Variants in SLC24A2 observed in about 807,000 individuals in gnomAD.
The protein encoded by SLC24A2 is solute carrier family 24 member 2.
In SLC24A2, 36 loss-of-function variants were observed where a neutral mutation model predicts 62.0. The observed-to-expected ratio is 0.58, with a 90% CI of 0.44 to 0.77. The LOEUF (loss-of-function observed/expected upper bound fraction) is 0.77. SLC24A2 is among the 30% of genes least tolerant of loss of function. The pLI, the probability that SLC24A2 is intolerant of heterozygous loss-of-function variation, is 0.00. For missense variants in SLC24A2, 846 were observed against 817.9 expected (o/e 1.03, Z -0.42); for synonymous variants, 358 against 294.0 (o/e 1.22, Z -2.23).
intron 2 of SLC24A2, among the ~76,000 whole-genome samples, chr9:19,643,613 C>A (rs962032082): frequency 1.3e-5 from 2 of 152,216 alleles, no homozygotes; most frequent in Non-Finnish European, 2.9e-5. Flanking sequence ...GCCCCGAACT[C>A]TCTTCCATCC....
intron 2 of SLC24A2, among the ~76,000 whole-genome samples, chr9:19,654,859 T>TTGTC (rs1818900974): frequency 6.6e-6 from 1 of 152,164 alleles, no homozygotes; most frequent in African/African-American, 2.4e-5. Flanking sequence ...AATGCAAGCA[T>TTGTC]CAGTGTTCAC....
the SLC24A2 span, among the ~76,000 whole-genome samples, chr9:19,990,480 G>A: frequency 2.0e-5 from 3 of 151,650 alleles, no homozygotes; most frequent in African/African-American, 7.3e-5. Flanking sequence ...GCATGGTGGC[G>A]GGCACCTGTA....
chr9:20,052,103 T>C, the SLC24A2 span, among the ~76,000 whole-genome samples: 6 of 152,312 alleles, frequency 3.9e-5, no homozygotes, highest in Admixed American at 3.9e-4. Flanking sequence ...GTTTCAATAT[T>C]GCTGATTAGA....
chr9:20,028,288 C>T, the SLC24A2 span, among the ~76,000 whole-genome samples: 1 of 152,158 alleles, frequency 6.6e-6, no homozygotes, highest in Non-Finnish European at 1.5e-5. Context: ...CTAAGCTTTG[C>T]TTGTCTCCTC....
chr9:20,272,318 C>T, the SLC24A2 span, among the ~76,000 whole-genome samples: 1 of 152,186 alleles, frequency 6.6e-6, no homozygotes, highest in Admixed American at 6.5e-5. Context: ...GTGATCATTC[C>T]TACCATCATC....
chr9:19,682,480 A>G (rs1819751037), intron 2 of SLC24A2, among the ~76,000 whole-genome samples: 1 of 152,178 alleles, frequency 6.6e-6, no homozygotes, highest in Non-Finnish European at 1.5e-5. Flanking sequence ...TTTTAACTAA[A>G]ATAGTAAAGG....
At chr9:20,036,819 T>C in the SLC24A2 span, among the ~76,000 whole-genome samples, 4 of 152,036 alleles carry the variant, frequency 2.6e-5, no homozygotes, top group South Asian at 6.2e-4. Flanking sequence ...ATATAACCTA[T>C]GCACACACAT....
At chr9:20,142,697 G>T in the SLC24A2 span, among the ~76,000 whole-genome samples, 1 of 152,180 alleles carries the variant, frequency 6.6e-6, no homozygotes, top group African/African-American at 2.4e-5. Context: ...CTGGGTTCAA[G>T]AGATTCTCCT....
Position 19,516,048 on chromosome 9 carries a change from C to T in SLC24A2, c.*105G>A, listed in dbSNP as rs1832908124. 2.8e-6 allele frequency: 4 copies of T among 1,427,212 alleles called. No individual in the cohort carries two copies. In the Admixed American group the frequency reaches 5.0e-5, roughly 18 times the overall value. The allele number at this position is 1,427,212 out of a possible 1,614,324, so 88.4% of individuals were successfully genotyped here. On this transcript the variant is annotated 3_prime_UTR_variant, in exon 11 of 11. Coordinates refer to ENST00000341998, the MANE Select transcript of SLC24A2 (RefSeq NM_020344.4). ...ATTCACCAAGGAGGGACACTTGGCA[C>T]CCAGGGCTGTGTGCCAGCTGCCTCT...
chr9:20,070,860 T>C, the SLC24A2 span, among the ~76,000 whole-genome samples: 8 of 152,296 alleles, frequency 5.3e-5, no homozygotes, highest in East Asian at 1.5e-3. Flanking sequence ...TGGCCAGTGA[T>C]ATGGTTTGGA....
At chr9:20,298,021 A>G in the SLC24A2 span, among the ~76,000 whole-genome samples, 4 of 152,172 alleles carry the variant, frequency 2.6e-5, no homozygotes, top group Non-Finnish European at 5.9e-5. Context: ...GGCAAACTCC[A>G]TAAGGAAGCA....
At position 19,654,661 on chromosome 9, in the gene SLC24A2, T is replaced by G. The variant is rs183412307; in HGVS notation, c.931-32362A>C. Among the ~76,000 whole-genome samples the G allele has an allele frequency of 5.3e-5, 8 of 152,332 alleles. No individual in the cohort carries two copies. In the East Asian group the frequency reaches 1.5e-3, roughly 29 times the overall value. On this transcript the variant is annotated intron_variant, in intron 2 of 10. Coordinates refer to ENST00000341998, the MANE Select transcript of SLC24A2 (RefSeq NM_020344.4). ...CACCAGCTGGTAATTCTTTGTGACC[T>G]CCTTGAGAGTAGCTGTCCTTTTTTT...
At chr9:19,993,874 G>A in the SLC24A2 span, among the ~76,000 whole-genome samples, 1 of 152,124 alleles carries the variant, frequency 6.6e-6, no homozygotes, top group Non-Finnish European at 1.5e-5. Flanking sequence ...TAATGCCCAT[G>A]GTGAAAACAG....
At chr9:19,627,080 T>C (rs1450578737) in intron 2 of SLC24A2, among the ~76,000 whole-genome samples, 1 of 152,190 alleles carries the variant, frequency 6.6e-6, no homozygotes, top group African/African-American at 2.4e-5. Flanking sequence ...TGGTTGCTGG[T>C]AATTATCTGA....
At chr9:19,551,966 T>C (rs1834867758) in intron 7 of SLC24A2, among the ~76,000 whole-genome samples, 1 of 152,218 alleles carries the variant, frequency 6.6e-6, no homozygotes, top group Non-Finnish European at 1.5e-5. Flanking sequence ...GTATATGTCC[T>C]TGGCAGTGGG....
chr9:19,529,415 A>G (rs1452551155), intron 8 of SLC24A2, among the ~76,000 whole-genome samples: 1 of 152,140 alleles, frequency 6.6e-6, no homozygotes, highest in African/African-American at 2.4e-5. Flanking sequence ...TTCTTTACTA[A>G]TTTCAAGTTT....
At chr9:19,767,416 C>T (rs1299753579) in intron 2 of SLC24A2, among the ~76,000 whole-genome samples, 2 of 152,198 alleles carry the variant, frequency 1.3e-5, no homozygotes, top group African/African-American at 2.4e-5. Context: ...GCTTGAAACC[C>T]AGGGCCCTTG....
At chr9:20,193,123 C>G in the SLC24A2 span, among the ~76,000 whole-genome samples, 2 of 152,082 alleles carry the variant, frequency 1.3e-5, no homozygotes, top group African/African-American at 4.8e-5. Context: ...GAAACAATAA[C>G]AGGTGGTAGA....
chr9:20,130,096 T>C, the SLC24A2 span, among the ~76,000 whole-genome samples: 1 of 152,068 alleles, frequency 6.6e-6, no homozygotes, highest in Admixed American at 6.6e-5. Flanking sequence ...GTCATCTTTA[T>C]GGCAACCCAG....
Sources: allele counts gnomAD v4.1 joint callset (sites outside exome capture counted in the v4.1 genomes callset), GRCh38; gene constraint gnomAD v4.1.1; transcripts MANE v1.5; gene names NCBI Gene and HGNC (gene_info 2026-07-23, HGNC 2026-07-21).